CTNNA3: variants seen among roughly 807,000 people sequenced by gnomAD.
The protein encoded by CTNNA3 is catenin alpha 3, also known as catenin alpha-3.
Under a neutral mutation model 95.7 loss-of-function variants are expected in CTNNA3, and 76 were observed. That is an observed-to-expected ratio of 0.79 (90% confidence interval 0.66 to 0.96). The LOEUF (loss-of-function observed/expected upper bound fraction) is 0.96. Among genes scored for constraint, CTNNA3 ranks in the 40% least tolerant of loss-of-function variants. The probability of loss-of-function intolerance (pLI) is 0.00; values close to 1 mark genes in which losing one functional copy is unlikely to be tolerated. For synonymous variants in CTNNA3, 431 were observed against 374.4 expected, an observed-to-expected ratio of 1.15 and a Z score of -1.74; for missense variants, 1,191 against 1,089.8, an observed-to-expected ratio of 1.09 and a Z score of -1.31.
chr10:66,211,286 A>G (rs141936208), intron 13 of CTNNA3, among the ~76,000 whole-genome samples: 113 of 152,298 alleles, frequency 7.4e-4, no homozygotes, highest in African/African-American at 2.7e-3. Flanking sequence ...CTGAAATACT[A>G]CATATGAGTA....
chr10:66,333,170 A>G (rs553769113), intron 12 of CTNNA3, among the ~76,000 whole-genome samples: 3 of 151,862 alleles, frequency 2.0e-5, no homozygotes, highest in Admixed American at 6.6e-5. Context: ...GATCTTTTAA[A>G]AAAAACCAGC....
At chr10:66,881,804 A>C (rs761092484) in intron 7 of CTNNA3, among the ~76,000 whole-genome samples, 21 of 151,980 alleles carry the variant, frequency 1.4e-4, no homozygotes, top group Non-Finnish European at 3.1e-4. Flanking sequence ...TAAATTCATA[A>C]TCTTGGAAAC....
intron 5 of CTNNA3, among the ~76,000 whole-genome samples, chr10:67,320,358 G>T (rs1841260495): frequency 6.6e-6 from 1 of 152,138 alleles, no homozygotes. Context: ...GGAAGAAAAA[G>T]TTGTTATTAC....
intron 6 of CTNNA3, among the ~76,000 whole-genome samples, chr10:67,181,137 C>T (rs184983601): frequency 2.5e-4 from 38 of 152,228 alleles, no homozygotes; most frequent in African/African-American, 8.2e-4. Flanking sequence ...TTCATTATGC[C>T]TCACTTTAAA....
At chr10:66,154,921 G>C (rs984732212) in intron 13 of CTNNA3, among the ~76,000 whole-genome samples, 3 of 151,140 alleles carry the variant, frequency 2.0e-5, no homozygotes, top group African/African-American at 4.9e-5. Context: ...ACAAAGAGTT[G>C]ACAAACATTT....
At chr10:66,803,625 C>A (rs1388466757) in intron 7 of CTNNA3, among the ~76,000 whole-genome samples, 2 of 152,042 alleles carry the variant, frequency 1.3e-5, no homozygotes, top group Non-Finnish European at 2.9e-5. Context: ...TTATTGCAGG[C>A]AGAGACAAGC....
At chr10:66,976,784 G>A (rs1033559815) in intron 7 of CTNNA3, among the ~76,000 whole-genome samples, 4 of 152,016 alleles carry the variant, frequency 2.6e-5, no homozygotes, top group Non-Finnish European at 4.4e-5. Flanking sequence ...TAAATTTCAT[G>A]TAAATGATTA....
At chr10:67,659,581 C>A (rs1840120787) in intron 1 of CTNNA3, among the ~76,000 whole-genome samples, 1 of 148,738 alleles carries the variant, frequency 6.7e-6, no homozygotes, top group South Asian at 2.1e-4. Flanking sequence ...CTAAATTAGT[C>A]AAATTGAAGT....
chr10:66,809,716 G>C (rs1841799129), intron 7 of CTNNA3, among the ~76,000 whole-genome samples: 1 of 151,716 alleles, frequency 6.6e-6, no homozygotes, highest in Non-Finnish European at 1.5e-5. Flanking sequence ...ATTATATGAT[G>C]GTTTTGATTA....
intron 5 of CTNNA3, among the ~76,000 whole-genome samples, chr10:67,387,776 G>C (rs1844254330): frequency 1.3e-5 from 2 of 152,204 alleles, no homozygotes; most frequent in Non-Finnish European, 2.9e-5. Flanking sequence ...AGCCTAACTG[G>C]GAGGCACCCT....
chr10:67,227,094 CTTT>C (rs1318466806), intron 5 of CTNNA3, among the ~76,000 whole-genome samples: 1 of 118,506 alleles, frequency 8.4e-6, no homozygotes. Flanking sequence ...CTTTTTTTTT[CTTT>C]TTTTTTTTTT....
intron 5 of CTNNA3, among the ~76,000 whole-genome samples, chr10:67,347,986 A>T (rs1170214728): frequency 6.6e-6 from 1 of 152,158 alleles, no homozygotes; most frequent in Non-Finnish European, 1.5e-5. Flanking sequence ...CAGAAACGTC[A>T]ATATAAAAAA....
At chr10:66,867,109 G>A (rs1044049906) in intron 7 of CTNNA3, among the ~76,000 whole-genome samples, 1 of 150,408 alleles carries the variant, frequency 6.6e-6, no homozygotes, top group East Asian at 1.9e-4. Flanking sequence ...GGAACTGTGG[G>A]TCCATTAAAC....
chr10:67,336,782 T>C (rs1842010760), intron 5 of CTNNA3, among the ~76,000 whole-genome samples: 1 of 152,188 alleles, frequency 6.6e-6, no homozygotes, highest in African/African-American at 2.4e-5. Context: ...AGAACTGTGA[T>C]AAATCTACTC....
intron 1 of CTNNA3, among the ~76,000 whole-genome samples, chr10:67,732,227 T>C (rs1208578524): frequency 6.6e-6 from 1 of 152,168 alleles, no homozygotes; most frequent in Non-Finnish European, 1.5e-5. Context: ...TCGGGCCTTT[T>C]AGTGTGTGAA....
chr10:66,748,166 G>A lies in CTNNA3; in HGVS notation c.1281+18098C>T, dbSNP rs541643398. Among the ~76,000 whole-genome samples, 6 of 152,262 alleles carry A rather than the reference G, an allele frequency of 3.9e-5. No homozygotes were observed. The South Asian group carries it at 1.2e-3, about 32-fold the overall frequency. The stretch of plus-strand genomic sequence containing the variant: ...CAAAGGGGCTTTGGAAATTGAAAAA[G>A]TTTGATTACAAAAAACGTTCGAATC... On this transcript the variant is annotated intron_variant, in intron 9 of 17. Coordinates refer to ENST00000433211, the MANE Select transcript of CTNNA3 (RefSeq NM_013266.4).
chr10:67,683,993 C>T (rs1840679383), intron 1 of CTNNA3, among the ~76,000 whole-genome samples: 1 of 152,176 alleles, frequency 6.6e-6, no homozygotes, highest in African/African-American at 2.4e-5. Context: ...TGAGCAACAG[C>T]AAAATTTATT....
intron 9 of CTNNA3, among the ~76,000 whole-genome samples, chr10:66,731,496 C>T (rs953465784): frequency 6.6e-6 from 1 of 152,058 alleles, no homozygotes; most frequent in Non-Finnish European, 1.5e-5. Context: ...ATAACTCTGG[C>T]ACGTAAGTCT....
chr10:66,635,429 T>G (rs1451975405), intron 9 of CTNNA3, among the ~76,000 whole-genome samples: 1 of 152,142 alleles, frequency 6.6e-6, no homozygotes, highest in African/African-American at 2.4e-5. Context: ...TCATTATCAT[T>G]GAAATTGCTG....
Sources: gnomAD v4.1 joint callset for allele counts (sites outside exome capture counted in the v4.1 genomes callset) on GRCh38, gnomAD v4.1.1 for gene constraint, MANE v1.5 for transcripts, NCBI Gene and HGNC (gene_info 2026-07-23, HGNC 2026-07-21) for gene names.